The following NCLN variants were observed in gnomAD, a reference collection of about 807,000 sequenced individuals.
The protein encoded by NCLN is BOS complex subunit NCLN.
Under a neutral mutation model 69.5 loss-of-function variants are expected in NCLN, and 34 were observed. That is an observed-to-expected ratio of 0.49 (90% CI 0.37 to 0.65). NCLN has a LOEUF of 0.65. Among genes scored for constraint, NCLN ranks in the 30% least tolerant of loss-of-function variants. The probability of loss-of-function intolerance (pLI) is 0.00; values close to 1 mark genes in which losing one functional copy is unlikely to be tolerated. For missense variants in NCLN, 710 were observed against 804.8 expected, an observed-to-expected ratio of 0.88 and a Z score of 1.42; for synonymous variants, 393 against 358.3, an observed-to-expected ratio of 1.10 and a Z score of -1.09.
In NCLN at chr19:3,193,346, C is replaced by T. The variant is rs566451622; in HGVS notation, c.438C>T (p.Ala146=). The stretch of plus-strand genomic sequence containing the variant: ...AGACCGCCGTCCCCGTGTACTTTGC[C>T]GTGGAGGACGAGGCCCTGCTGTCTA... ...AMETAVPVYF[A]VEDEALLSIY... is the part of the protein sequence containing the mutation. Residue 146 remains alanine, a synonymous_variant, in exon 3 of 15, where the codon GCC becomes GCT. Coordinates refer to ENST00000246117, the MANE Select transcript of NCLN (RefSeq NM_020170.4). 11 of 1,612,954 alleles carry T rather than the reference C, an allele frequency of 6.8e-6. No homozygotes were observed. In the African/African-American group the frequency reaches 8.0e-5, roughly 12 times the overall value.
intron 1 of NCLN, among the ~76,000 whole-genome samples, chr19:3,190,654 G>A (rs1599348471): frequency 6.6e-6 from 1 of 152,160 alleles, no homozygotes; most frequent in African/African-American, 2.4e-5. Context: ...GGCTCCCACG[G>A]GGACGCTGGA....
intron 2 of NCLN, 94 bp from the exon 3 acceptor site, chr19:3,193,190 C>G: frequency 7.9e-7 from 1 of 1,259,374 alleles, no homozygotes. Context: ...CACTGGGCCC[C>G]CTGCTACCCC....
chr19:3,195,496 G>A (rs1049894026), intron 3 of NCLN, among the ~76,000 whole-genome samples: 1 of 152,086 alleles, frequency 6.6e-6, no homozygotes, highest in Non-Finnish European at 1.5e-5. Flanking sequence ...TGATTCGCCC[G>A]CCTCGGCCTC....
chr19:3,193,607 T>G (rs1402352390), intron 3 of NCLN, among the ~76,000 whole-genome samples, 179 bp downstream of exon 3: 1 of 152,238 alleles, frequency 6.6e-6, no homozygotes. Context: ...ACCTCCGGGC[T>G]GGGACCTGGG....
chr19:3,197,748 G>A (rs1916005891), intron 4 of NCLN, among the ~76,000 whole-genome samples: 1 of 151,788 alleles, frequency 6.6e-6, no homozygotes, highest in Admixed American at 6.6e-5. Flanking sequence ...AGCCTCCTAA[G>A]TAGCTGGGAT....
chr19:3,186,291 G>A, intron 1 of NCLN, 77 bp downstream of exon 1: 1 of 1,363,058 alleles, frequency 7.3e-7, no homozygotes, highest in East Asian at 3.1e-5. Context: ...TCCCCAGGCC[G>A]ATCCCTAGCT....
intron 3 of NCLN, among the ~76,000 whole-genome samples, chr19:3,194,873 T>C (rs1436742955): frequency 6.6e-6 from 1 of 151,538 alleles, no homozygotes; most frequent in Non-Finnish European, 1.5e-5. Context: ...ATTATGCAGC[T>C]GGTAAAAATG....
chr19:3,196,794 T>C (rs936729471), intron 4 of NCLN, among the ~76,000 whole-genome samples: 1 of 152,232 alleles, frequency 6.6e-6, no homozygotes, highest in African/African-American at 2.4e-5. Flanking sequence ...CCTGTGTCGC[T>C]GCTGCTGCAG....
At chr19:3,197,098 TCTGTTTGTTC>T (rs2144905892) in intron 4 of NCLN, among the ~76,000 whole-genome samples, 1 of 152,318 alleles carries the variant, frequency 6.6e-6, no homozygotes, top group African/African-American at 2.4e-5. Context: ...TGGCGGCTGT[TCTGTTTGTTC>T]CTGTTGGATT....
rs758043138 is a variant in NCLN, at chr19:3,205,983, T to C, written c.1253T>C (p.Ile418Thr). The stretch of plus-strand genomic sequence containing the variant: ...ACCCTGACCCGTAACACGAGGATCA[T>C]TGCAGAGGCCCTGACTCGAGTCATC... ...SKTLTRNTRI[I>T]AEALTRVIYN... Residue 418 changes from isoleucine (I) to threonine (T), a missense_variant, in exon 10 of 15, where the codon ATT (isoleucine) becomes ACT (threonine). By Grantham distance (89) the Ile-to-Thr change is moderately conservative (BLOSUM62 -1). Transcript: ENST00000246117. The surrounding 1 kb of genome is among the most constrained non-coding windows in gnomAD (Gnocchi z 4.6). The C allele has an allele frequency of 6.2e-7, 1 of 1,613,732 alleles. No individual in the cohort carries two copies. Among genetic ancestry groups the C allele is most frequent in the Non-Finnish European group, 8.5e-7 (1 of 1,179,978 alleles).
rs1450537868 is a variant in NCLN at position 3,206,245 on chromosome 19, C to T, written c.1336-17C>T. On this transcript the variant is annotated splice_polypyrimidine_tract_variant and intron_variant, in intron 11 of 14. Coordinates refer to ENST00000246117, the MANE Select transcript of NCLN (RefSeq NM_020170.4). The stretch of plus-strand genomic sequence containing the variant: ...GTGGGCGGGGCCAGGCCATGACTAC[C>T]ACCACCGTCCCTACAGCAGATCCAG... 1.2e-5 allele frequency: 19 copies of T among 1,538,908 alleles called. No individual in the cohort carries two copies. In the South Asian group the frequency reaches 2.3e-4, roughly 19 times the overall value.
chr19:3,207,484 G>C lies in NCLN; in HGVS notation c.1632+15G>C. 6.2e-7 allele frequency: 1 copy of C among 1,612,346 alleles called. No individual in the cohort carries two copies. Among genetic ancestry groups the C allele is most frequent in the Non-Finnish European group, 8.5e-7 (1 of 1,179,656 alleles). ...TGGCTGTCCAGGTGAGCAGTGCCCA[G>C]GCTCAGGTGGGGCAGGGGCCGCCCG... On this transcript the variant is annotated intron_variant, in intron 14 of 14. Transcript: ENST00000246117.
chr19:3,192,101 T>C (rs965956302), intron 1 of NCLN, among the ~76,000 whole-genome samples: 1 of 152,060 alleles, frequency 6.6e-6, no homozygotes, highest in Non-Finnish European at 1.5e-5. Context: ...GGCAGGAGAA[T>C]AGATTGAACC....
At chr19:3,206,050 G>A (rs772940429) in intron 10 of NCLN, 24 bp downstream of exon 10, 15 of 1,610,458 alleles carry the variant, frequency 9.3e-6, no homozygotes, top group Middle Eastern at 4.1e-4. Flanking sequence ...CCTCTGTGCC[G>A]CCAGACCCAG....
intron 5 of NCLN, among the ~76,000 whole-genome samples, chr19:3,200,084 C>G (rs1342780951): frequency 6.6e-6 from 1 of 151,956 alleles, no homozygotes; most frequent in African/African-American, 2.4e-5. Context: ...GTGCCCGACC[C>G]CTTGGAGGGC....
chr19:3,193,501 G>T, intron 3 of NCLN, 73 bp downstream of exon 3: 1 of 1,469,466 alleles, frequency 6.8e-7, no homozygotes, highest in Middle Eastern at 2.2e-4. Flanking sequence ...AAGGGCTGCG[G>T]TCACCCTGGG....
intron 6 of NCLN, among the ~76,000 whole-genome samples, chr19:3,202,643 T>TTC (rs1481947296): frequency 2.6e-5 from 4 of 152,270 alleles, no homozygotes; most frequent in Middle Eastern, 6.8e-3. Context: ...CATGTCCTGG[T>TTC]TCAGGCAGGA....
chr19:3,206,882 C>T (rs1916285003), intron 12 of NCLN, among the ~76,000 whole-genome samples: 1 of 152,100 alleles, frequency 6.6e-6, no homozygotes, highest in Non-Finnish European at 1.5e-5. Flanking sequence ...AGTGCAGTGG[C>T]GTGATCTTGT....
chr19:3,206,739 G>C (rs1255866809), intron 12 of NCLN, among the ~76,000 whole-genome samples: 1 of 152,220 alleles, frequency 6.6e-6, no homozygotes, highest in Non-Finnish European at 1.5e-5. Flanking sequence ...AGGAGGCCGG[G>C]ACGGAAGAAT....
Sources: gnomAD v4.1 joint callset for allele counts (sites outside exome capture counted in the v4.1 genomes callset) on GRCh38, gnomAD v4.1.1 for gene constraint, Gnocchi (gnomAD v3.1) non-coding constraint, MANE v1.5 for transcripts, NCBI Gene and HGNC (gene_info 2026-07-23, HGNC 2026-07-21) for gene names.